The following AGBL4 variants were observed in gnomAD, a reference collection of about 807,000 sequenced individuals.
The protein encoded by AGBL4 is AGBL carboxypeptidase 4.
Under a neutral mutation model 66.4 loss-of-function variants are expected in AGBL4, and 58 were observed. The ratio of observed to expected loss-of-function variants is 0.87; its 90% CI spans 0.71 to 1.09. The LOEUF (loss-of-function observed/expected upper bound fraction) is 1.09, where lower values mean the gene tolerates loss of function less well. AGBL4 is among the 50% of genes least tolerant of loss of function. The pLI is 0.00. For missense variants in AGBL4, 579 were observed against 631.0 expected (o/e 0.92, Z 0.88); for synonymous variants, 234 against 222.9 (o/e 1.05, Z -0.44).
At chr1:49,957,081 A>T (rs913566183) in intron 1 of AGBL4, among the ~76,000 whole-genome samples, 1 of 152,042 alleles carries the variant, frequency 6.6e-6, no homozygotes, top group Admixed American at 6.6e-5. Context: ...AAGTCAACAG[A>T]AAGGTATTAC....
intron 5 of AGBL4, among the ~76,000 whole-genome samples, chr1:48,870,243 G>A (rs1391715579): frequency 2.6e-5 from 4 of 151,940 alleles, no homozygotes; most frequent in Admixed American, 2.6e-4. Flanking sequence ...GGATCCTAGT[G>A]AGAAAGACAA....
intron 2 of AGBL4, among the ~76,000 whole-genome samples, chr1:49,712,852 T>A (rs568744691): frequency 1.2e-4 from 18 of 152,098 alleles, no homozygotes; most frequent in African/African-American, 4.3e-4. Flanking sequence ...AGTTTTTTCA[T>A]CTTTAAAAGA....
At chr1:49,169,303 G>T (rs1646689768) in intron 4 of AGBL4, among the ~76,000 whole-genome samples, 2 of 152,114 alleles carry the variant, frequency 1.3e-5, no homozygotes, top group African/African-American at 4.8e-5. Context: ...TAAATAGCTG[G>T]TTATATCTTG....
intron 1 of AGBL4, among the ~76,000 whole-genome samples, chr1:49,941,455 G>A (rs1370318722): frequency 1.3e-5 from 2 of 151,996 alleles, no homozygotes; most frequent in African/African-American, 4.8e-5. Context: ...CAATATCCAG[G>A]ATGAACATGA....
At chr1:49,798,758 A>T (rs568775478) in intron 2 of AGBL4, among the ~76,000 whole-genome samples, 1 of 152,306 alleles carries the variant, frequency 6.6e-6, no homozygotes, top group South Asian at 2.1e-4. Context: ...ATAGTCAAAA[A>T]GTCTTTGCAT....
At chr1:48,762,213 G>C (rs550395139) in intron 6 of AGBL4, among the ~76,000 whole-genome samples, 2 of 152,308 alleles carry the variant, frequency 1.3e-5, no homozygotes, top group African/African-American at 4.8e-5. Flanking sequence ...CACTGCTTAC[G>C]TGTGCTCACG....
intron 3 of AGBL4, among the ~76,000 whole-genome samples, chr1:49,301,336 A>G (rs1405343318): frequency 6.6e-6 from 1 of 152,130 alleles, no homozygotes; most frequent in Non-Finnish European, 1.5e-5. Flanking sequence ...AACAGAACTG[A>G]CTCCATCTTG....
chr1:49,993,942 T>C (rs1434039015), intron 1 of AGBL4, among the ~76,000 whole-genome samples: 6 of 152,206 alleles, frequency 3.9e-5, no homozygotes, highest in Non-Finnish European at 7.3e-5. Context: ...TTCCCATTGT[T>C]CAAGACCTAT....
chr1:49,841,379 T>C (rs1645984804), intron 2 of AGBL4, among the ~76,000 whole-genome samples: 2 of 152,200 alleles, frequency 1.3e-5, no homozygotes, highest in South Asian at 2.1e-4. Context: ...ACCATGCTCA[T>C]TGATTGGAAC....
intron 5 of AGBL4, among the ~76,000 whole-genome samples, chr1:48,897,710 TTC>T (rs1465574385): frequency 6.6e-6 from 1 of 152,182 alleles, no homozygotes; most frequent in African/African-American, 2.4e-5. Context: ...TAATTTGCAT[TTC>T]TCTAATGATT....
chr1:49,395,533 AGTGTGTGTGT>A lies in AGBL4; in HGVS notation c.283-149679_283-149670del, dbSNP rs149386987. 2.9e-5 allele frequency among the ~76,000 whole-genome samples: 4 copies of A among 139,354 alleles called. No homozygotes were observed. In the Admixed American group the frequency reaches 2.9e-4, roughly 10 times the overall value. 91.4% of individuals were successfully genotyped at this position (139,354 alleles called of 152,430 possible). A position where few individuals can be genotyped will look rare whatever the true frequency, so the allele number is the denominator to read the frequency against. On this transcript the variant is annotated intron_variant, in intron 3 of 13. Coordinates refer to ENST00000371839, the MANE Select transcript of AGBL4 (RefSeq NM_032785.4). ...TAATGTTAAAATTTTGCCAAACACT[AGTGTGTGTGT>A]GTGTGTGTGTGTGTGTGTGTGATAT...
chr1:49,581,313 A>G (rs1349427185), intron 3 of AGBL4, among the ~76,000 whole-genome samples: 2 of 152,088 alleles, frequency 1.3e-5, no homozygotes, highest in Non-Finnish European at 2.9e-5. Flanking sequence ...CTTCTTTAAA[A>G]TCAATACTTT....
intron 3 of AGBL4, among the ~76,000 whole-genome samples, chr1:49,432,442 G>C (rs936564174): frequency 1.3e-5 from 2 of 152,058 alleles, no homozygotes; most frequent in Non-Finnish European, 2.9e-5. Context: ...TGGGCCACAA[G>C]AAATAACAGC....
At chr1:49,659,974 G>A (rs1646235667) in intron 3 of AGBL4, among the ~76,000 whole-genome samples, 2 of 152,160 alleles carry the variant, frequency 1.3e-5, no homozygotes, top group Admixed American at 1.3e-4. Flanking sequence ...AGACTTCGAT[G>A]TAAAACCCAG....
chr1:48,801,995 C>A (rs1183491940), intron 6 of AGBL4, among the ~76,000 whole-genome samples: 1 of 152,064 alleles, frequency 6.6e-6, no homozygotes, highest in African/African-American at 2.4e-5. Flanking sequence ...GTCTTCCCCA[C>A]CAGCCAGAGT....
At chr1:48,921,672 G>A (rs762233835) in intron 5 of AGBL4, among the ~76,000 whole-genome samples, 1 of 152,122 alleles carries the variant, frequency 6.6e-6, no homozygotes, top group Non-Finnish European at 1.5e-5. Context: ...AGTCACAATA[G>A]AATAATATTT....
At chr1:49,523,774 G>A (rs773742530) in intron 3 of AGBL4, among the ~76,000 whole-genome samples, 2 of 152,098 alleles carry the variant, frequency 1.3e-5, no homozygotes, top group Non-Finnish European at 2.9e-5. Flanking sequence ...GTTACGCACT[G>A]AATGCAGAAA....
chr1:49,299,056 G>A (rs1178342280), intron 3 of AGBL4, among the ~76,000 whole-genome samples: 3 of 151,782 alleles, frequency 2.0e-5, no homozygotes, highest in East Asian at 3.9e-4. Flanking sequence ...TGTGTAACAC[G>A]CCATAATAAG....
intron 6 of AGBL4, among the ~76,000 whole-genome samples, chr1:48,764,086 A>G (rs557782093): frequency 6.2e-4 from 95 of 152,312 alleles, no homozygotes; most frequent in African/African-American, 2.3e-3. Context: ...TGGGGATACA[A>G]GATAAAAACA....
Sources: gnomAD v4.1 joint callset for allele counts (sites outside exome capture counted in the v4.1 genomes callset) on GRCh38, gnomAD v4.1.1 for gene constraint, MANE v1.5 for transcripts, NCBI Gene and HGNC (gene_info 2026-07-23, HGNC 2026-07-21) for gene names.